PLXNA2: variants seen among roughly 807,000 people sequenced by gnomAD.
PLXNA2 encodes the protein plexin-A2.
PLXNA2 carries 91 observed loss-of-function variants against 193.5 expected under a neutral mutation model. The ratio of observed to expected loss-of-function variants is 0.47; its 90% CI spans 0.40 to 0.56. PLXNA2 has a LOEUF of 0.56. Ranked by LOEUF, PLXNA2 falls within the 20% of genes least tolerant of loss-of-function variation. PLXNA2 has a pLI of 0.00. For missense variants in PLXNA2, 1,995 were observed against 2,503.2 expected (o/e 0.80, Z 4.33); for synonymous variants, 997 against 1,027.3 (o/e 0.97, Z 0.56).
chr1:208,240,106 G>C (rs1671998604), intron 1 of PLXNA2, among the ~76,000 whole-genome samples: 1 of 152,190 alleles, frequency 6.6e-6, no homozygotes, highest in African/African-American at 2.4e-5. Flanking sequence ...ATTTCTTTCA[G>C]CTCTGTGCCC....
intron 5 of PLXNA2, among the ~76,000 whole-genome samples, chr1:208,102,679 A>C (rs954156920): frequency 5.3e-5 from 8 of 152,226 alleles, no homozygotes; most frequent in Non-Finnish European, 1.0e-4. Flanking sequence ...CCTAAACAGC[A>C]ATGGAGAAAC....
intron 17 of PLXNA2, among the ~76,000 whole-genome samples, chr1:208,046,391 G>A (rs908150731): frequency 3.9e-5 from 6 of 152,168 alleles, no homozygotes; most frequent in African/African-American, 1.2e-4. Context: ...GGGCTATAGA[G>A]CGGCAGACAC....
intron 12 of PLXNA2, among the ~76,000 whole-genome samples, chr1:208,076,156 C>T (rs928862436): frequency 1.3e-5 from 2 of 151,794 alleles, no homozygotes; most frequent in African/African-American, 4.8e-5. Flanking sequence ...TAGCCTCGGA[C>T]TTCTGGAATC....
intron 3 of PLXNA2, among the ~76,000 whole-genome samples, chr1:208,170,841 TA>T (rs1244714616): frequency 2.6e-5 from 4 of 151,836 alleles, no homozygotes; most frequent in African/African-American, 9.7e-5. Context: ...ATAAAATAAA[TA>T]AAATAAAATA....
chr1:208,240,916 G>A (rs1485693448), intron 1 of PLXNA2, among the ~76,000 whole-genome samples: 1 of 152,038 alleles, frequency 6.6e-6, no homozygotes, highest in Admixed American at 6.5e-5. Flanking sequence ...GCTGGAGACA[G>A]GAATTGCCTC....
At chr1:208,161,525 G>C (rs1669104071) in intron 3 of PLXNA2, among the ~76,000 whole-genome samples, 3 of 152,314 alleles carry the variant, frequency 2.0e-5, no homozygotes, top group South Asian at 4.1e-4. Flanking sequence ...CTTCACGAGA[G>C]AGTAGATTAC....
chr1:208,059,162 G>A (rs979144834), intron 13 of PLXNA2, among the ~76,000 whole-genome samples: 1 of 152,200 alleles, frequency 6.6e-6, no homozygotes, highest in African/African-American at 2.4e-5. Flanking sequence ...GTCTGGCAGG[G>A]TGCGGGGCTC....
Position 208,040,033 on chromosome 1 carries a change from G to C in PLXNA2, c.4312C>G (p.Leu1438Val). Reference sequence around the variant, plus strand: ...AGGAGGAAGGCGAACCAATTGGTCAGCATCTTTTCAGCCACAGACTCTGTC... The same window carrying C: ...AGGAGGAAGGCGAACCAATTGGTCACCATCTTTTCAGCCACAGACTCTGTC... Reference protein sequence around the residue: ...RRTESVAEKMLTNWFAFLLHK... With the variant: ...RRTESVAEKMVTNWFAFLLHK... Residue 1438 changes from leucine to valine, a missense_variant, in exon 23 of 32, where the codon CTG becomes GTG. Around this residue, in one of 3 missense-constraint regions of PLXNA2, gnomAD observed 1,291 missense variants for 1,673.6 expected, o/e 0.77. Transcript: ENST00000367033. The C allele has an allele frequency of 6.2e-7, 1 of 1,614,082 alleles. No individual in the cohort carries two copies. The highest frequency in any genetic ancestry group is 8.5e-7 in the Non-Finnish European group (1 of 1,179,978).
chr1:208,212,721 C>A (rs987621767), intron 2 of PLXNA2, among the ~76,000 whole-genome samples: 1 of 152,220 alleles, frequency 6.6e-6, no homozygotes, highest in Non-Finnish European at 1.5e-5. Context: ...CTGGAGCCAA[C>A]CACGGGAATT....
intron 17 of PLXNA2, among the ~76,000 whole-genome samples, chr1:208,049,762 C>T (rs1665195284): frequency 6.6e-6 from 1 of 152,182 alleles, no homozygotes; most frequent in African/African-American, 2.4e-5. Context: ...CTATATCTAA[C>T]CTTCTAACAC....
At chr1:208,230,647 C>T (rs1457878667) in intron 1 of PLXNA2, among the ~76,000 whole-genome samples, 1 of 152,236 alleles carries the variant, frequency 6.6e-6, no homozygotes, top group Non-Finnish European at 1.5e-5. Context: ...TCTTTCCCTG[C>T]CTTTCTTTCT....
chr1:208,083,200 G>A (rs1236852037), intron 10 of PLXNA2, among the ~76,000 whole-genome samples: 1 of 152,148 alleles, frequency 6.6e-6, no homozygotes, highest in African/African-American at 2.4e-5. Context: ...GACCTCATCA[G>A]CCCACAGCTT....
chr1:208,186,268 T>C (rs890743622), intron 3 of PLXNA2, among the ~76,000 whole-genome samples: 3 of 152,192 alleles, frequency 2.0e-5, no homozygotes, highest in Admixed American at 2.0e-4. Context: ...TAGCCACATG[T>C]TGACACCATA....
intron 1 of PLXNA2, among the ~76,000 whole-genome samples, chr1:208,230,007 C>T (rs1015722557): frequency 6.6e-6 from 1 of 152,180 alleles, no homozygotes; most frequent in African/African-American, 2.4e-5. Flanking sequence ...GTTATTTAAC[C>T]TTTTGGAGCC....
In PLXNA2 at chr1:208,028,159, T is replaced by C. The variant is rs773628498; in HGVS notation, c.5439A>G (p.Arg1813=). 1 of 1,609,842 alleles carries C rather than the reference T, an allele frequency of 6.2e-7. No individual in the cohort carries two copies. The highest frequency in any genetic ancestry group is 8.5e-7 in the Non-Finnish European group (1 of 1,177,944). The change falls in exon 31 of 32, where the codon AGA becomes AGG. Residue 1813 remains arginine (R), a splice_region_variant and synonymous_variant. Transcript: ENST00000367033. The surrounding 1 kb of genome is among the most constrained non-coding windows in gnomAD (Gnocchi z 4.2). ...DIPSYKSWVE[R]YYADIAKLPA... The stretch of plus-strand genomic sequence containing the variant: ...GGAGCTTGGCGATGTCTGCGTAGTA[T>C]CTGCCAGAGACAGGATAGGCGCCTT...
chr1:208,238,136 T>A (rs975786804), intron 1 of PLXNA2, among the ~76,000 whole-genome samples: 1 of 152,126 alleles, frequency 6.6e-6, no homozygotes, highest in Non-Finnish European at 1.5e-5. Flanking sequence ...GGTTCCTCTG[T>A]CAGAAGCTTC....
At position 208,025,479 on chromosome 1, in the gene PLXNA2, G is replaced by C. The variant is rs909263703; in HGVS notation, c.*1764C>G. On this transcript the variant is annotated 3_prime_UTR_variant, in exon 32 of 32. Transcript: ENST00000367033. ...CATAGCCTAGGATTCCTGACCCTTT[G>C]AAAAGTGAGGAAGGGCAGCTTGTTC... is the stretch of plus-strand genomic sequence containing the variant. 6.6e-6 allele frequency: 1 copy of C among 152,400 alleles called. No individual in the cohort carries two copies. The highest frequency in any genetic ancestry group is 1.5e-5 in the Non-Finnish European group (1 of 68,168). The allele number at this position is 152,400 out of a possible 1,614,324, so 9.4% of individuals were successfully genotyped here. A position where few individuals can be genotyped will look rare whatever the true frequency, so the allele number is the denominator to read the frequency against.
At chr1:208,162,885 C>G (rs1051348068) in intron 3 of PLXNA2, among the ~76,000 whole-genome samples, 1 of 152,144 alleles carries the variant, frequency 6.6e-6, no homozygotes, top group Non-Finnish European at 1.5e-5. Flanking sequence ...CTGCCTCTAA[C>G]AAAGAAATAC....
intron 4 of PLXNA2, among the ~76,000 whole-genome samples, chr1:208,105,607 C>T (rs1462885573): frequency 1.3e-5 from 2 of 152,240 alleles, no homozygotes; most frequent in African/African-American, 4.8e-5. Flanking sequence ...CCCTTGAACC[C>T]TGCCTCATGG....
Sources: allele counts gnomAD v4.1 joint callset (sites outside exome capture counted in the v4.1 genomes callset), GRCh38; gene constraint gnomAD v4.1.1; regional missense constraint gnomAD v4.1.1; non-coding constraint Gnocchi (gnomAD v3.1); transcripts MANE v1.5; gene names NCBI Gene and HGNC (gene_info 2026-07-23, HGNC 2026-07-21).